Variants in SYT4 observed in about 807,000 individuals in gnomAD.
SYT4 encodes the protein synaptotagmin-4.
SYT4 carries 7 observed loss-of-function variants against 32.9 expected under a neutral mutation model. The observed-to-expected ratio is 0.21, with a 90% CI of 0.12 to 0.40. SYT4 has a LOEUF of 0.40. SYT4 is among the 10% of genes least tolerant of loss of function. The probability of loss-of-function intolerance (pLI) is 1.00; values close to 1 mark genes in which losing one functional copy is unlikely to be tolerated. For synonymous variants in SYT4, 205 were observed against 186.2 expected, an observed-to-expected ratio of 1.10 and a Z score of -0.82; for missense variants, 480 against 488.0, an observed-to-expected ratio of 0.98 and a Z score of 0.16.
In SYT4 at chr18:43,269,154, C is replaced by T. The variant is rs1029723528; in HGVS notation, c.*1187G>A. 1 of 152,124 alleles carries T rather than the reference C, an allele frequency of 6.6e-6. No homozygotes were observed. Among genetic ancestry groups the T allele is most frequent in the Non-Finnish European group, 1.5e-5 (1 of 68,020 alleles). The allele number at this position is 152,124 out of a possible 1,614,324, so 9.4% of individuals were successfully genotyped here. A position where few individuals can be genotyped will look rare whatever the true frequency, so the allele number is the denominator to read the frequency against. ...ACAAGTCTGTAAACTGCTCTATAGACAACAGCTCAAGACAAATTAGCCTAG... is the reference window on the plus strand; with the variant it reads ...ACAAGTCTGTAAACTGCTCTATAGATAACAGCTCAAGACAAATTAGCCTAG... On this transcript the variant is annotated 3_prime_UTR_variant, in exon 4 of 4. Coordinates refer to ENST00000255224, the MANE Select transcript of SYT4 (RefSeq NM_020783.4).
chr18:43,275,128 C>T (rs1048112468), intron 1 of SYT4, among the ~76,000 whole-genome samples: 5 of 151,998 alleles, frequency 3.3e-5, no homozygotes, highest in East Asian at 3.9e-4. Flanking sequence ...AAAAACAGAA[C>T]AATGGTTATA....
rs1283530237 is a variant in SYT4, at chr18:43,274,031, G to A, written c.398C>T (p.Ser133Leu). Residue 133 changes from serine (S) to leucine (L), a missense_variant, in exon 2 of 4, where the codon TCA (serine) becomes TTA (leucine). Ser to Leu is a moderately radical substitution (Grantham distance 145). Coordinates refer to ENST00000255224, the MANE Select transcript of SYT4 (RefSeq NM_020783.4). ...PKLFLEGEKE[S>L]VSPESLKSST... ...GGACTTTAAACTCTCAGGGGAAACT[G>A]ACTCTTTTTCCCCTTCTAAAAAGAG... 6.2e-7 allele frequency: 1 copy of A among 1,613,932 alleles called. No homozygotes were observed. The highest frequency in any genetic ancestry group is 1.1e-5 in the South Asian group (1 of 91,056).
rs1429937461 is a variant in SYT4 at position 43,269,185 on chromosome 18, A to T, written c.*1156T>A. 2.6e-5 allele frequency: 4 copies of T among 152,220 alleles called. No homozygotes were observed. 9.4% of individuals were successfully genotyped at this position (152,220 alleles called of 1,614,324 possible). A position where few individuals can be genotyped will look rare whatever the true frequency, so the allele number is the denominator to read the frequency against. On this transcript the variant is annotated 3_prime_UTR_variant, in exon 4 of 4. Coordinates refer to ENST00000255224, the MANE Select transcript of SYT4 (RefSeq NM_020783.4). Reference sequence around the variant, plus strand: ...CTCAAGACAAATTAGCCTAGAAAAGATAGTGAAACACATTCTTTGTTGTGC... The same window carrying T: ...CTCAAGACAAATTAGCCTAGAAAAGTTAGTGAAACACATTCTTTGTTGTGC...
chr18:43,274,410 A>G lies in SYT4; in HGVS notation c.35-16T>C, dbSNP rs1316348356. 3 of 1,562,552 alleles carry G rather than the reference A, an allele frequency of 1.9e-6. No individual in the cohort carries two copies. Among genetic ancestry groups the G allele is most frequent in the Admixed American group, 2.0e-5 (1 of 51,042 alleles). On this transcript the variant is annotated splice_polypyrimidine_tract_variant and intron_variant, in intron 1 of 3. Coordinates refer to ENST00000255224, the MANE Select transcript of SYT4 (RefSeq NM_020783.4). ...GGGATTTCATCTGAAAAATCAAATG[A>G]CCAATAATATACATTAAAGAAGCAG...
rs148964797 is a variant in SYT4, at chr18:43,271,273, AT to A, written c.970+438del. Among the ~76,000 whole-genome samples the A allele has an allele frequency of 3.0e-3, 451 of 152,224 alleles. 2 individuals carry two copies. Among genetic ancestry groups the A allele is most frequent in the African/African-American group, 0.01 (433 of 41,530 alleles). On this transcript the variant is annotated intron_variant, in intron 3 of 3. Coordinates refer to ENST00000255224, the MANE Select transcript of SYT4 (RefSeq NM_020783.4). ...TTTTCTGGTGGCACCATATGAGTTA[AT>A]TTTAGCTTCACAATCTAATCTTTTA... is the stretch of plus-strand genomic sequence containing the variant.
In SYT4 at chr18:43,270,440, C is replaced by A. The variant is rs1312649033; in HGVS notation, c.1179G>T (p.Leu393Phe). 2 of 1,613,956 alleles carry A rather than the reference C, an allele frequency of 1.2e-6. No individual in the cohort carries two copies. Among genetic ancestry groups the A allele is most frequent in the East Asian group, 2.2e-5 (1 of 44,864 alleles). Residue 393 changes from leucine to phenylalanine, a missense_variant, in exon 4 of 4, where the codon TTG (leucine) becomes TTT (phenylalanine). Transcript: ENST00000255224. Reference protein sequence around the residue: ...SRNEVIGQLVLGAAAEGTGGE... With the variant: ...SRNEVIGQLVFGAAAEGTGGE... Reference sequence around the variant, plus strand: ...CACCAGTTCCTTCTGCTGCTGCACCCAAGACTAACTGCCCGATTACCTCAT... The same window carrying A: ...CACCAGTTCCTTCTGCTGCTGCACCAAAGACTAACTGCCCGATTACCTCAT...
Position 43,270,298 on chromosome 18 carries a change from T to A in SYT4, c.*43A>T, listed in dbSNP as rs749514805. 2.5e-6 allele frequency: 4 copies of A among 1,576,650 alleles called. No homozygotes were observed. The Admixed American group carries it at 7.4e-5, about 29-fold the overall frequency. ...ATATAGAAAGAAAGAAAATTTCTCC[T>A]TGCCTAGTAAAAACCTTTAAGTTCC... On this transcript the variant is annotated 3_prime_UTR_variant, in exon 4 of 4. Coordinates refer to ENST00000255224, the MANE Select transcript of SYT4 (RefSeq NM_020783.4).
intron 1 of SYT4, 21 bp downstream of exon 1, chr18:43,277,227 T>C: frequency 1.9e-6 from 3 of 1,613,968 alleles, no homozygotes; most frequent in East Asian, 2.2e-5. Context: ...ACCGCAGTCA[T>C]AAGTTCAGTA....
chr18:43,270,717 G>A lies in SYT4; in HGVS notation c.971-69C>T, dbSNP rs1325960686. ...GGAGAGCTGATATCAAGATAACAGT[G>A]CCCTTAGAGATCATGGCATGCCAAT... On this transcript the variant is annotated intron_variant, in intron 3 of 3. Transcript: ENST00000255224. 1.9e-5 allele frequency: 29 copies of A among 1,528,346 alleles called. No homozygotes were observed. In the East Asian group the frequency reaches 5.7e-4, roughly 30 times the overall value. 94.7% of individuals were successfully genotyped at this position (1,528,346 alleles called of 1,614,324 possible).
rs373100677 is a variant in SYT4 at position 43,274,064 on chromosome 18, G to T, written c.365C>A (p.Thr122Asn). ...PGSPSDLENATPKLFLEGEKE... is the reference protein window; with the variant it reads ...PGSPSDLENANPKLFLEGEKE... ...TTCCCCTTCTAAAAAGAGCTTCGGGGTTGCATTCTCCAGATCAGAAGGACT... is the reference window on the plus strand; with the variant it reads ...TTCCCCTTCTAAAAAGAGCTTCGGGTTTGCATTCTCCAGATCAGAAGGACT... Residue 122 changes from threonine (T) to asparagine (N), a missense_variant, in exon 2 of 4, where the codon ACC becomes AAC. Thr to Asn is a moderately conservative substitution (Grantham distance 65, BLOSUM62 0). Transcript: ENST00000255224. The T allele has an allele frequency of 1.9e-6, 3 of 1,613,974 alleles. No homozygotes were observed. Among genetic ancestry groups the T allele is most frequent in the African/African-American group, 2.7e-5 (2 of 74,936 alleles).
intron 3 of SYT4, 148 bp from the exon 4 acceptor site, chr18:43,270,796 C>G: frequency 1.3e-6 from 1 of 772,446 alleles, no homozygotes; most frequent in Non-Finnish European, 2.0e-6. Context: ...ATGGATAAAA[C>G]TTGGCATTTC....
chr18:43,277,207 T>C, intron 1 of SYT4, 41 bp downstream of exon 1: 1 of 1,613,450 alleles, frequency 6.2e-7, no homozygotes, highest in Non-Finnish European at 8.5e-7. Flanking sequence ...CCCAGAGTAT[T>C]CAAGGAATAA....
chr18:43,274,756 A>AT lies in SYT4; in HGVS notation c.35-363dup, dbSNP rs1908741255. ...ATGATGGATCAGTACTAACTTCATT[A>AT]TTTTTTATTGTCATTTTGAGGCTTT... On this transcript the variant is annotated intron_variant, in intron 1 of 3. Transcript: ENST00000255224. 2.0e-5 allele frequency among the ~76,000 whole-genome samples: 3 copies of AT among 152,170 alleles called. No individual in the cohort carries two copies. In the South Asian group the frequency reaches 6.2e-4, roughly 32 times the overall value.
At chr18:43,272,521 A>G (rs897099580) in intron 2 of SYT4, among the ~76,000 whole-genome samples, 1 of 152,190 alleles carries the variant, frequency 6.6e-6, no homozygotes, top group African/African-American at 2.4e-5. Flanking sequence ...TACTTTAAAG[A>G]CAATAGATAA....
intron 1 of SYT4, 103 bp downstream of exon 1, chr18:43,277,145 A>G (rs1773942262): frequency 7.1e-7 from 1 of 1,404,448 alleles, no homozygotes; most frequent in South Asian, 1.3e-5. Context: ...TTAACTACCT[A>G]GGAAATCTGT....
chr18:43,275,569 A>C (rs1908766974), intron 1 of SYT4, among the ~76,000 whole-genome samples: 1 of 152,138 alleles, frequency 6.6e-6, no homozygotes, highest in Non-Finnish European at 1.5e-5. Flanking sequence ...CTAAATAACC[A>C]CAAGAAATCC....
intron 2 of SYT4, chr18:43,272,247 C>T (rs1474335386): frequency 6.6e-6 from 1 of 152,280 alleles, no homozygotes; most frequent in East Asian, 1.9e-4. Flanking sequence ...TACACATACT[C>T]ATGCAAAAAA....
Position 43,270,700 on chromosome 18 carries a change from G to A in SYT4, c.971-52C>T, listed in dbSNP as rs543392096. ...AATGGCATAACTGGGCTGGAGAGCT[G>A]ATATCAAGATAACAGTGCCCTTAGA... On this transcript the variant is annotated intron_variant, in intron 3 of 3. Transcript: ENST00000255224. 10 of 1,581,488 alleles carry A rather than the reference G, an allele frequency of 6.3e-6. No homozygotes were observed. The African/African-American group carries it at 1.3e-4, about 21-fold the overall frequency.
intron 3 of SYT4, 102 bp downstream of exon 3, chr18:43,271,610 G>A (rs888242204): frequency 1.4e-6 from 2 of 1,433,182 alleles, no homozygotes; most frequent in Non-Finnish European, 1.9e-6. Flanking sequence ...AGATACATAA[G>A]GTATTAGAGA....
Sources: gnomAD v4.1 joint callset for allele counts (sites outside exome capture counted in the v4.1 genomes callset) on GRCh38, gnomAD v4.1.1 for gene constraint, MANE v1.5 for transcripts, NCBI Gene and HGNC (gene_info 2026-07-23, HGNC 2026-07-21) for gene names.